Variants in AGGF1 observed in about 807,000 individuals in gnomAD.
AGGF1 encodes angiogenic factor with G-patch and FHA domains 1.
AGGF1 carries 56 observed loss-of-function variants against 86.5 expected under a neutral mutation model. That is an observed-to-expected ratio of 0.65 (90% CI 0.52 to 0.81). The LOEUF (loss-of-function observed/expected upper bound fraction) is 0.81, where lower values mean the gene tolerates loss of function less well. Ranked by LOEUF, AGGF1 falls within the 30% of genes least tolerant of loss-of-function variation. The pLI is 0.00. For synonymous variants in AGGF1, 313 were observed against 297.1 expected (o/e 1.05, Z -0.55); for missense variants, 816 against 850.9 (o/e 0.96, Z 0.51).
At chr5:77,060,554 A>C (rs1212253860) in intron 12 of AGGF1, among the ~76,000 whole-genome samples, 1 of 152,204 alleles carries the variant, frequency 6.6e-6, no homozygotes, top group Non-Finnish European at 1.5e-5. Flanking sequence ...GCATTTAATC[A>C]AATATTAGCT....
intron 1 of AGGF1, among the ~76,000 whole-genome samples, chr5:77,031,983 C>T (rs536145086): frequency 6.6e-6 from 1 of 152,158 alleles, no homozygotes; most frequent in South Asian, 2.1e-4. Context: ...AGATTATTTC[C>T]ACATAGTAAC....
intron 5 of AGGF1, among the ~76,000 whole-genome samples, chr5:77,042,566 C>T (rs1747122981): frequency 1.4e-5 from 1 of 70,598 alleles, no homozygotes; most frequent in African/African-American, 4.4e-5. Context: ...GACGGGGCGG[C>T]TGGCCGGGCG....
intron 10 of AGGF1, 116 bp from the exon 11 acceptor site, chr5:77,055,398 T>A (rs1747441088): frequency 2.9e-6 from 2 of 698,224 alleles, no homozygotes; most frequent in Non-Finnish European, 5.0e-6. Context: ...TTATTTCAAC[T>A]TCTGGTTAAT....
intron 2 of AGGF1, 31 bp from the exon 3 acceptor site, chr5:77,035,510 G>A (rs1285204107): frequency 6.6e-7 from 1 of 1,524,212 alleles, no homozygotes; most frequent in Non-Finnish European, 9.1e-7. Flanking sequence ...ATTCTAATAT[G>A]ATACGATTTC....
chr5:77,050,306 CTTTTTTTTTTTTTTT>C (rs10595061), intron 8 of AGGF1, among the ~76,000 whole-genome samples: 1 of 76,562 alleles, frequency 1.3e-5, no homozygotes, highest in East Asian at 4.1e-4. Context: ...TTCTTTGTTT[CTTTTTTTTTTTTTTT>C]TTTTTTTTTT....
intron 13 of AGGF1, among the ~76,000 whole-genome samples, chr5:77,062,332 G>C (rs1387100652): frequency 6.6e-6 from 1 of 152,198 alleles, no homozygotes; most frequent in Admixed American, 6.5e-5. Context: ...AATGAACTTA[G>C]TACCTAAAGA....
rs1265465953 is a variant in AGGF1 at position 77,042,586 on chromosome 5, AC to A, written c.870+2876del. Among the ~76,000 whole-genome samples the A allele has an allele frequency of 1.3e-3, 29 of 22,310 alleles. 4 individuals carry two copies. Among genetic ancestry groups the A allele is most frequent in the East Asian group, 4.1e-3 (3 of 730 alleles). The allele number at this position is 22,310 out of a possible 152,430, so 14.6% of individuals were successfully genotyped here. ...GGCGGCTGGCCGGGCGGGGGGGCTG[AC>A]CCCCCCCCACCTCCCTCCCGGACGT... On this transcript the variant is annotated intron_variant, in intron 5 of 13. Coordinates refer to ENST00000312916, the MANE Select transcript of AGGF1 (RefSeq NM_018046.5).
intron 4 of AGGF1, 42 bp downstream of exon 4, chr5:77,036,762 C>T (rs749983512): frequency 3.1e-6 from 5 of 1,602,568 alleles, no homozygotes; most frequent in South Asian, 2.2e-5. Context: ...GTTTTTGAGA[C>T]AGTCTCCCTC....
intron 11 of AGGF1, among the ~76,000 whole-genome samples, chr5:77,056,241 T>G (rs1747455818): frequency 6.8e-6 from 1 of 147,318 alleles, no homozygotes; most frequent in East Asian, 2.0e-4. Context: ...TTTTTTTTTT[T>G]TTTTTGAGAC....
chr5:77,059,873 G>A, intron 12 of AGGF1, 130 bp downstream of exon 12: 4 of 1,231,018 alleles, frequency 3.2e-6, no homozygotes, highest in Non-Finnish European at 4.6e-6. Flanking sequence ...ATGGAGTCTT[G>A]CTCCGTCGCC....
In AGGF1 at chr5:77,048,127, T is replaced by A. The variant is rs759303199; in HGVS notation, c.1202-34T>A. 1.2e-5 allele frequency: 16 copies of A among 1,361,368 alleles called. No individual in the cohort carries two copies. The South Asian group carries it at 1.9e-4, about 16-fold the overall frequency. The allele number at this position is 1,361,368 out of a possible 1,614,324, so 84.3% of individuals were successfully genotyped here. A position where few individuals can be genotyped will look rare whatever the true frequency, so the allele number is the denominator to read the frequency against. ...CTATGAAGTTCTTTTTCATAGTAGT[T>A]AAATTAATATTTACTCACTTCTTTC... On this transcript the variant is annotated intron_variant, in intron 6 of 13. Coordinates refer to ENST00000312916, the MANE Select transcript of AGGF1 (RefSeq NM_018046.5).
At chr5:77,052,945 GA>G in intron 9 of AGGF1, 138 bp downstream of exon 9, 1 of 746,714 alleles carries the variant, frequency 1.3e-6, no homozygotes, top group Admixed American at 2.4e-5. Context: ...GGAATTTCCA[GA>G]AAGGCTGAAA....
At chr5:77,045,131 A>G (rs973473237) in intron 5 of AGGF1, among the ~76,000 whole-genome samples, 2 of 152,184 alleles carry the variant, frequency 1.3e-5, no homozygotes, top group African/African-American at 4.8e-5. Context: ...ACAGAAGAGC[A>G]TATGAATTCG....
chr5:77,046,410 A>C lies in AGGF1; in HGVS notation c.934A>C (p.Asn312His). 6.2e-7 allele frequency: 1 copy of C among 1,614,010 alleles called. No homozygotes were observed. The part of the protein sequence containing the change: ...VEHTSCNEEE[N>H]FANMKKKAKI... ...ACATACAAGCTGCAATGAGGAAGAA[A>C]ATTTCGCAAATATGAAAAAGAAGGC... Residue 312 changes from asparagine to histidine, a missense_variant, in exon 6 of 14, where the codon AAT becomes CAT. Physicochemically the swap from Asn to His is moderately conservative, Grantham distance 68 (BLOSUM62 1). Transcript: ENST00000312916.
At position 77,063,347 on chromosome 5, in the gene AGGF1, T is replaced by G. The variant is rs374551408; in HGVS notation, c.*95T>G. On this transcript the variant is annotated 3_prime_UTR_variant, in exon 14 of 14. Transcript: ENST00000312916. ...AAAAGAATCAGCAGCACAGGGGAAC[T>G]ATGTCACAGTTTACCTCTTCCTGAT... 3.1e-5 allele frequency: 38 copies of G among 1,243,508 alleles called. 1 individual carries two copies. The Middle Eastern group carries it at 8.1e-4, about 26-fold the overall frequency. 77.0% of individuals were successfully genotyped at this position (1,243,508 alleles called of 1,614,324 possible). A position where few individuals can be genotyped will look rare whatever the true frequency, so the allele number is the denominator to read the frequency against.
chr5:77,060,586 A>G (rs1747539501), intron 12 of AGGF1, among the ~76,000 whole-genome samples: 2 of 152,192 alleles, frequency 1.3e-5, no homozygotes, highest in Admixed American at 1.3e-4. Context: ...CTCAGAATAT[A>G]AATTTTGAGT....
Sources: gnomAD v4.1 joint callset for allele counts (sites outside exome capture counted in the v4.1 genomes callset) on GRCh38, gnomAD v4.1.1 for gene constraint, MANE v1.5 for transcripts, NCBI Gene and HGNC (gene_info 2026-07-23, HGNC 2026-07-21) for gene names.